Variants in NCKAP5 observed in about 807,000 individuals in gnomAD.
NCKAP5 encodes NCK associated protein 5, also known as nck-associated protein 5.
In NCKAP5, 92 loss-of-function variants were observed where a neutral mutation model predicts 167.0. The observed-to-expected ratio is 0.55, with a 90% confidence interval of 0.47 to 0.66. The LOEUF (loss-of-function observed/expected upper bound fraction) is 0.66. Among genes scored for constraint, NCKAP5 ranks in the 30% least tolerant of loss-of-function variants. The pLI is 0.00. For missense variants in NCKAP5, 2,378 were observed against 2,315.0 expected (o/e 1.03, Z -0.56); for synonymous variants, 891 against 877.4 (o/e 1.02, Z -0.27).
intron 4 of NCKAP5, among the ~76,000 whole-genome samples, chr2:133,290,728 C>CTTTTTTTT (rs58758295): frequency 9.4e-4 from 84 of 89,220 alleles, no homozygotes; most frequent in Non-Finnish European, 1.2e-3. Flanking sequence ...AGAATTTCTC[C>CTTTTTTTT]TTTTTTTTTT....
chr2:133,143,183 G>T (rs1559186444), intron 5 of NCKAP5, among the ~76,000 whole-genome samples: 1 of 151,896 alleles, frequency 6.6e-6, no homozygotes, highest in South Asian at 2.1e-4. Flanking sequence ...TATGATCAAA[G>T]AATCAGATTC....
At chr2:133,601,690 G>A in the NCKAP5 span, among the ~76,000 whole-genome samples, 9 of 152,216 alleles carry the variant, frequency 5.9e-5, no homozygotes, top group Middle Eastern at 3.4e-3. Flanking sequence ...CTGAGATTGC[G>A]CCACTGCACT....
At chr2:132,733,605 A>G (rs1033362420) in intron 16 of NCKAP5, among the ~76,000 whole-genome samples, 4 of 152,230 alleles carry the variant, frequency 2.6e-5, no homozygotes, top group Non-Finnish European at 4.4e-5. Flanking sequence ...CAAAATGCAC[A>G]AAGTATTTAG....
At chr2:132,745,881 C>T (rs1679598136) in intron 16 of NCKAP5, among the ~76,000 whole-genome samples, 1 of 151,708 alleles carries the variant, frequency 6.6e-6, no homozygotes, top group Admixed American at 6.6e-5. Context: ...ATGGTGAAAC[C>T]TTGTACACTA....
chr2:132,848,293 C>G (rs1005061885), intron 11 of NCKAP5, among the ~76,000 whole-genome samples: 2 of 152,180 alleles, frequency 1.3e-5, no homozygotes, highest in African/African-American at 2.4e-5. Flanking sequence ...AATGAGAAGA[C>G]AGTTTTCCAT....
At chr2:133,032,456 C>A (rs566186219) in intron 6 of NCKAP5, among the ~76,000 whole-genome samples, 1 of 152,258 alleles carries the variant, frequency 6.6e-6, no homozygotes, top group East Asian at 1.9e-4. Context: ...AATAGAACAC[C>A]AGGTAGACTT....
At chr2:133,415,917 C>T (rs1019757772) in intron 3 of NCKAP5, among the ~76,000 whole-genome samples, 2 of 152,114 alleles carry the variant, frequency 1.3e-5, no homozygotes, top group Non-Finnish European at 2.9e-5. Context: ...ATGAGTTTAT[C>T]TGAGCAAAAG....
At chr2:133,149,358 G>A (rs1456721992) in intron 5 of NCKAP5, among the ~76,000 whole-genome samples, 2 of 152,082 alleles carry the variant, frequency 1.3e-5, no homozygotes. Context: ...TTTAGTTAAT[G>A]TTATGCTCAG....
chr2:132,825,464 T>C (rs1406823241), intron 11 of NCKAP5, among the ~76,000 whole-genome samples: 6 of 152,150 alleles, frequency 3.9e-5, no homozygotes. Flanking sequence ...TCAGTTACAC[T>C]GAGTGTCTGA....
chr2:133,617,499 T>C, the NCKAP5 span, among the ~76,000 whole-genome samples: 2 of 142,516 alleles, frequency 1.4e-5, no homozygotes, highest in East Asian at 2.0e-4. Flanking sequence ...AGCATTCTTA[T>C]ACACCAACAA....
intron 6 of NCKAP5, among the ~76,000 whole-genome samples, chr2:133,012,859 C>T (rs917363709): frequency 7.2e-5 from 11 of 152,144 alleles, no homozygotes; most frequent in Non-Finnish European, 1.5e-4. Context: ...ACCTGTCTTT[C>T]CCATTACCTA....
the NCKAP5 span, among the ~76,000 whole-genome samples, chr2:133,646,400 CA>C: frequency 6.6e-6 from 1 of 151,684 alleles, no homozygotes; most frequent in Admixed American, 6.6e-5. Context: ...GATTTTTCTA[CA>C]AAAACTTTGC....
intron 3 of NCKAP5, among the ~76,000 whole-genome samples, chr2:133,372,682 C>T (rs953532663): frequency 3.9e-5 from 6 of 152,196 alleles, no homozygotes; most frequent in Non-Finnish European, 7.3e-5. Context: ...AGACCCTGTT[C>T]GAGACCAACT....
intron 8 of NCKAP5, among the ~76,000 whole-genome samples, chr2:132,900,162 T>A (rs1693507179): frequency 6.6e-6 from 1 of 152,108 alleles, no homozygotes; most frequent in Non-Finnish European, 1.5e-5. Flanking sequence ...CAAAGAACAC[T>A]GATCACAGAT....
chr2:132,922,335 A>G (rs1306164725), intron 8 of NCKAP5, among the ~76,000 whole-genome samples: 2 of 152,208 alleles, frequency 1.3e-5, no homozygotes, highest in Non-Finnish European at 2.9e-5. Context: ...AGTCACTTGG[A>G]GAAGAAGCTA....
Position 133,121,424 on chromosome 2 carries a change from G to A in NCKAP5, c.341+8554C>T, listed in dbSNP as rs1275740568. 5.9e-5 allele frequency among the ~76,000 whole-genome samples: 9 copies of A among 152,204 alleles called. No individual in the cohort carries two copies. The East Asian group carries it at 1.5e-3, about 26-fold the overall frequency. On this transcript the variant is annotated intron_variant, in intron 6 of 19. Transcript: ENST00000409261. ...AATAGCTTATTGGAAAAAGATAAAG[G>A]TTGAGGCTGAGAAGAGGTACCCAGA...
the NCKAP5 span, among the ~76,000 whole-genome samples, chr2:133,603,745 C>G: frequency 6.6e-6 from 1 of 152,012 alleles, no homozygotes; most frequent in African/African-American, 2.4e-5. Context: ...CCATGTTGGT[C>G]AGGCTGGTCT....
intron 3 of NCKAP5, among the ~76,000 whole-genome samples, chr2:133,443,671 TC>T (rs1559488835): frequency 1.3e-5 from 2 of 152,272 alleles, no homozygotes; most frequent in South Asian, 4.1e-4. Flanking sequence ...CAGACTTCCA[TC>T]AACTGCAGCT....
chr2:133,315,647 A>G (rs1391243812), intron 3 of NCKAP5, among the ~76,000 whole-genome samples: 1 of 151,998 alleles, frequency 6.6e-6, no homozygotes, highest in Non-Finnish European at 1.5e-5. Context: ...AAAAAAAAGT[A>G]AATGAAGGAG....
Sources: allele counts gnomAD v4.1 joint callset (sites outside exome capture counted in the v4.1 genomes callset), GRCh38; gene constraint gnomAD v4.1.1; transcripts MANE v1.5; gene names NCBI Gene and HGNC (gene_info 2026-07-23, HGNC 2026-07-21).